The following GRIK1 variants were observed in gnomAD, a reference collection of about 807,000 sequenced individuals.
GRIK1 encodes the protein glutamate ionotropic receptor kainate type subunit 1.
In GRIK1, 69 loss-of-function variants were observed where a neutral mutation model predicts 105.7. That is an observed-to-expected ratio of 0.65 (90% confidence interval 0.54 to 0.80). The LOEUF is 0.80. Among genes scored for constraint, GRIK1 ranks in the 30% least tolerant of loss-of-function variants. GRIK1 has a pLI of 0.00. For missense variants in GRIK1, 1,109 were observed against 1,167.3 expected, an observed-to-expected ratio of 0.95 and a Z score of 0.73; for synonymous variants, 438 against 431.3, an observed-to-expected ratio of 1.02 and a Z score of -0.19.
chr21:29,700,009 C>A (rs2063782885), intron 1 of GRIK1, among the ~76,000 whole-genome samples: 1 of 152,206 alleles, frequency 6.6e-6, no homozygotes, highest in Admixed American at 6.5e-5. Flanking sequence ...AAGGAACTCA[C>A]ATATATTCAA....
chr21:29,595,340 G>GTTTTTTTTTT (rs71191119), intron 9 of GRIK1, among the ~76,000 whole-genome samples: 5 of 136,976 alleles, frequency 3.7e-5, no homozygotes, highest in African/African-American at 5.4e-5. Context: ...AGTGTAATAG[G>GTTTTTTTTTT]TTTTTTTTTT....
intron 1 of GRIK1, among the ~76,000 whole-genome samples, chr21:29,716,742 G>C (rs1394988589): frequency 2.0e-5 from 3 of 152,188 alleles, no homozygotes; most frequent in Non-Finnish European, 4.4e-5. Context: ...TGAAAAATTT[G>C]TAGCCTGACA....
At chr21:29,662,137 A>G (rs1002415273) in intron 4 of GRIK1, among the ~76,000 whole-genome samples, 2 of 152,234 alleles carry the variant, frequency 1.3e-5, no homozygotes, top group African/African-American at 4.8e-5. Context: ...GGAGAAAGGA[A>G]GCTCATACTA....
intron 7 of GRIK1, among the ~76,000 whole-genome samples, chr21:29,637,376 C>T (rs2062419036): frequency 6.6e-6 from 1 of 152,202 alleles, no homozygotes; most frequent in Non-Finnish European, 1.5e-5. Flanking sequence ...TCTTGGCTTC[C>T]TCGGCCCCTA....
chr21:29,796,885 G>C (rs1329466131), intron 1 of GRIK1, among the ~76,000 whole-genome samples: 1 of 152,074 alleles, frequency 6.6e-6, no homozygotes, highest in Admixed American at 6.5e-5. Flanking sequence ...GGAGGAAGAG[G>C]TTTCAGTGAG....
intron 14 of GRIK1, among the ~76,000 whole-genome samples, chr21:29,573,416 A>G (rs2090804291): frequency 6.6e-6 from 1 of 152,198 alleles, no homozygotes; most frequent in Non-Finnish European, 1.5e-5. Flanking sequence ...TTTTATACTT[A>G]AAGAGGGGCA....
At chr21:29,892,391 G>A (rs996117799) in intron 1 of GRIK1, among the ~76,000 whole-genome samples, 2 of 152,208 alleles carry the variant, frequency 1.3e-5, no homozygotes, top group African/African-American at 4.8e-5. Context: ...GTGAGGAGAT[G>A]TTTCTATTTA....
chr21:29,914,614 T>C (rs1323255411), intron 1 of GRIK1, among the ~76,000 whole-genome samples: 1 of 152,108 alleles, frequency 6.6e-6, no homozygotes, highest in African/African-American at 2.4e-5. Flanking sequence ...GGGAACAAGA[T>C]AGCATTGCAT....
chr21:29,887,539 G>A (rs1326227563), intron 1 of GRIK1, among the ~76,000 whole-genome samples: 1 of 152,132 alleles, frequency 6.6e-6, no homozygotes, highest in Non-Finnish European at 1.5e-5. Flanking sequence ...TATCAGAACT[G>A]TGCTAGACTA....
intron 1 of GRIK1, among the ~76,000 whole-genome samples, chr21:29,786,829 G>A (rs1569092712): frequency 6.6e-6 from 1 of 152,144 alleles, no homozygotes; most frequent in Non-Finnish European, 1.5e-5. Flanking sequence ...AAGAGACTCA[G>A]TATATAGGAA....
intron 4 of GRIK1, among the ~76,000 whole-genome samples, chr21:29,658,216 G>A (rs755223525): frequency 6.6e-6 from 1 of 151,892 alleles, no homozygotes; most frequent in Non-Finnish European, 1.5e-5. Context: ...ATATTCCTCC[G>A]AATTGCTTCC....
chr21:29,712,542 T>G (rs2064082779), intron 1 of GRIK1, among the ~76,000 whole-genome samples: 1 of 152,142 alleles, frequency 6.6e-6, no homozygotes, highest in Non-Finnish European at 1.5e-5. Context: ...TTCCAAGTAT[T>G]GTAAATAAAA....
chr21:29,889,270 A>C (rs1023963418), intron 1 of GRIK1, among the ~76,000 whole-genome samples: 3 of 152,172 alleles, frequency 2.0e-5, no homozygotes, highest in African/African-American at 7.2e-5. Flanking sequence ...TTTTTTCTTA[A>C]AGGTTATATT....
In GRIK1 at chr21:29,541,575, C is replaced by CTTTTTTTTTTT. The variant is rs34910439; in HGVS notation, c.2608-3702_2608-3692dup. Among the ~76,000 whole-genome samples, 758 of 95,878 alleles carry CTTTTTTTTTTT rather than the reference C, an allele frequency of 7.9e-3. 85 individuals carry two copies. The highest frequency in any genetic ancestry group is 0.023 in the African/African-American group (485 of 20,898). 62.9% of individuals were successfully genotyped at this position (95,878 alleles called of 152,430 possible). A position where few individuals can be genotyped will look rare whatever the true frequency, so the allele number is the denominator to read the frequency against. ...CTATGCCATTCATTGCACTCACGGT[C>CTTTTTTTTTTT]TTTTTTTTTTTTTTTTTTTTTGTGG... is the stretch of plus-strand genomic sequence containing the variant. On this transcript the variant is annotated intron_variant, in intron 16 of 17. Coordinates refer to ENST00000327783, the MANE Select transcript of GRIK1 (RefSeq NM_001330994.2).
At chr21:29,574,683 C>CTTTTTTTTTTTTTTTTTTTTTTTTTTTTT (rs71191118) in intron 14 of GRIK1, among the ~76,000 whole-genome samples, 1 of 98,412 alleles carries the variant, frequency 1.0e-5, no homozygotes, top group Non-Finnish European at 2.0e-5. Flanking sequence ...TGATACACTT[C>CTTTTTTTTTTTTTTTTTTTTTTTTTTTTT]TTTTTTTTTT....
intron 1 of GRIK1, among the ~76,000 whole-genome samples, chr21:29,895,602 TG>T (rs534635089): frequency 2.4e-4 from 37 of 152,300 alleles, no homozygotes; most frequent in Non-Finnish European, 5.1e-4. Flanking sequence ...CAAGAAATCT[TG>T]CCACATCCTC....
intron 1 of GRIK1, among the ~76,000 whole-genome samples, chr21:29,723,495 A>T (rs1431379562): frequency 6.6e-6 from 1 of 152,220 alleles, no homozygotes; most frequent in African/African-American, 2.4e-5. Flanking sequence ...ATCACAGAAC[A>T]TGAGGGAAAG....
At chr21:29,799,832 C>G (rs773207016) in intron 1 of GRIK1, among the ~76,000 whole-genome samples, 1 of 152,134 alleles carries the variant, frequency 6.6e-6, no homozygotes, top group Non-Finnish European at 1.5e-5. Flanking sequence ...CAGTGCCCAG[C>G]CAGTTTTTTT....
intron 1 of GRIK1, among the ~76,000 whole-genome samples, chr21:29,853,221 G>C (rs1210436202): frequency 6.6e-6 from 1 of 152,124 alleles, no homozygotes; most frequent in South Asian, 2.1e-4. Context: ...GTAAGTAAAG[G>C]CTCAATACTT....
Sources: allele counts gnomAD v4.1 joint callset (sites outside exome capture counted in the v4.1 genomes callset), GRCh38; gene constraint gnomAD v4.1.1; transcripts MANE v1.5; gene names NCBI Gene and HGNC (gene_info 2026-07-23, HGNC 2026-07-21).